The following MTAP variants were observed in gnomAD, a reference collection of about 807,000 sequenced individuals.
MTAP encodes methylthioadenosine phosphorylase.
A neutral mutation model predicts 33.6 loss-of-function variants in MTAP; 33 were observed. The ratio of observed to expected loss-of-function variants is 0.98; its 90% CI spans 0.74 to 1.31. The LOEUF is 1.31. MTAP is among the 40% of genes most tolerant of loss of function. MTAP has a pLI of 0.00. For synonymous variants in MTAP, 148 were observed against 125.7 expected (o/e 1.18, Z -1.19); for missense variants, 367 against 360.0 (o/e 1.02, Z -0.16).
At chr9:21,897,107 T>G (rs1039619378) in intron 1 of MTAP, among the ~76,000 whole-genome samples, 1 of 152,196 alleles carries the variant, frequency 6.6e-6, no homozygotes, top group Non-Finnish European at 1.5e-5. Flanking sequence ...ATCCATTATA[T>G]AAACAGAACC....
At chr9:21,941,006 A>G, downstream of MTAP, 1 of 985,090 alleles carries the variant, frequency 1.0e-6, no homozygotes, top group Non-Finnish European at 1.2e-6. Flanking sequence ...GCAAAGACCA[A>G]ACATATATTT....
At chr9:21,927,588 C>T (rs1330319095) in intron 1 of MTAP, among the ~76,000 whole-genome samples, 1 of 152,078 alleles carries the variant, frequency 6.6e-6, no homozygotes, top group Non-Finnish European at 1.5e-5. Context: ...AATATCAGCC[C>T]CTAGGTTATC....
At chr9:21,820,042 G>A (rs934227577) in intron 4 of MTAP, among the ~76,000 whole-genome samples, 11 of 152,002 alleles carry the variant, frequency 7.2e-5, no homozygotes, top group African/African-American at 2.4e-4. Context: ...CTGGATATTA[G>A]CCCTTAGTCA....
At position 21,816,900 on chromosome 9, in the gene MTAP, C is replaced by T. The variant is rs1162626517; in HGVS notation, c.179+128C>T. On this transcript the variant is annotated intron_variant, in intron 3 of 7. Coordinates refer to ENST00000644715, the MANE Select transcript of MTAP (RefSeq NM_002451.4). ...GGCAGAATCAGAACATCTTAGTAAC[C>T]TTTATTTACAATGTTTTATTTTTGG... The T allele has an allele frequency of 2.1e-5, 15 of 720,338 alleles. No homozygotes were observed. In the East Asian group the frequency reaches 4.2e-4, roughly 20 times the overall value. The allele number at this position is 720,338 out of a possible 1,614,324, so 44.6% of individuals were successfully genotyped here.
intron 1 of MTAP, among the ~76,000 whole-genome samples, chr9:21,900,853 A>G (rs1407417420): frequency 6.6e-6 from 1 of 152,212 alleles, no homozygotes; most frequent in African/African-American, 2.4e-5. Flanking sequence ...AGAACAAAAT[A>G]ATGTCTTTTG....
intron 1 of MTAP, among the ~76,000 whole-genome samples, chr9:21,896,563 C>T (rs927834813): frequency 2.6e-5 from 4 of 152,090 alleles, no homozygotes; most frequent in African/African-American, 9.7e-5. Flanking sequence ...ATATCACCAT[C>T]GATCCCACAG....
intron 1 of MTAP, chr9:21,930,867 G>A (rs749066492): frequency 2.7e-5 from 17 of 639,032 alleles, no homozygotes; most frequent in Non-Finnish European, 4.7e-5. Context: ...TGGTTAGTTA[G>A]ATTGGTAAGG....
chr9:21,803,420 C>T (rs564068499), intron 1 of MTAP: 2 of 153,460 alleles, frequency 1.3e-5, no homozygotes, highest in East Asian at 3.8e-4. Context: ...GGAGTACAGG[C>T]GTCCGTTTTT....
chr9:21,896,552 G>T (rs1480148061), intron 1 of MTAP, among the ~76,000 whole-genome samples: 1 of 152,082 alleles, frequency 6.6e-6, no homozygotes, highest in Non-Finnish European at 1.5e-5. Context: ...TGATAAAGGG[G>T]ATATCACCAT....
intron 1 of MTAP, chr9:21,892,236 A>G (rs1283795059): frequency 6.6e-6 from 1 of 152,214 alleles, no homozygotes; most frequent in East Asian, 1.9e-4. Flanking sequence ...CCACCAGCTA[A>G]CAATACAATG....
intron 1 of MTAP, among the ~76,000 whole-genome samples, chr9:21,929,018 A>G (rs1336926036): frequency 6.6e-6 from 1 of 152,118 alleles, no homozygotes; most frequent in African/African-American, 2.4e-5. Flanking sequence ...TGTATCTTCC[A>G]GGCTCTAGTT....
Position 21,890,282 on chromosome 9 carries a change from TC to T in MTAP, c.147+35415del, listed in dbSNP as rs942266824. Reference sequence around the variant, plus strand: ...ACGCAGCCAGCAAGGCCAGTCTCACTCCCACCACCAGCCCCAAGTTTATATT... The same window carrying T: ...ACGCAGCCAGCAAGGCCAGTCTCACTCCACCACCAGCCCCAAGTTTATATT... On this transcript the variant is annotated intron_variant, in intron 1 of 1. Coordinates refer to the MTAP transcript ENST00000577563. Among the ~76,000 whole-genome samples, 23 of 152,180 alleles carry T rather than the reference TC, an allele frequency of 1.5e-4. No individual in the cohort carries two copies. The Middle Eastern group carries it at 0.01, about 68-fold the overall frequency.
At chr9:21,900,376 AAAG>A (rs1458971864) in intron 1 of MTAP, among the ~76,000 whole-genome samples, 14 of 152,348 alleles carry the variant, frequency 9.2e-5, no homozygotes, top group African/African-American at 3.1e-4. Context: ...ACACTTTTCC[AAAG>A]AAGATGTACA....
At chr9:21,826,356 C>G (rs1295665367) in intron 4 of MTAP, among the ~76,000 whole-genome samples, 2 of 151,644 alleles carry the variant, frequency 1.3e-5, no homozygotes, top group Non-Finnish European at 2.9e-5. Context: ...CTGGAAGATT[C>G]CACCTTCTTT....
chr9:21,884,068 A>G (rs765968159), intron 1 of MTAP, among the ~76,000 whole-genome samples: 39 of 152,076 alleles, frequency 2.6e-4, no homozygotes, highest in South Asian at 4.1e-4. Context: ...TTATCCTGCA[A>G]TGTCCCTTCA....
In MTAP at chr9:21,865,733, C is replaced by A. The variant is rs974164467; in HGVS notation, c.*3719C>A. ...CTGTTGCCAGCTATGCCTTTGAGAACCTCGGGATCCCAAAGAATGAGGGGA... is the reference window on the plus strand; with the variant it reads ...CTGTTGCCAGCTATGCCTTTGAGAAACTCGGGATCCCAAAGAATGAGGGGA... On this transcript the variant is annotated 3_prime_UTR_variant, in exon 8 of 8. Transcript: ENST00000644715. 9 of 1,039,754 alleles carry A rather than the reference C, an allele frequency of 8.7e-6. No homozygotes were observed. The highest frequency in any genetic ancestry group is 8.1e-5 in the East Asian group (1 of 12,384). 64.4% of individuals were successfully genotyped at this position (1,039,754 alleles called of 1,614,324 possible).
At chr9:21,858,103 A>G (rs1407248016) in intron 6 of MTAP, among the ~76,000 whole-genome samples, 1 of 152,236 alleles carries the variant, frequency 6.6e-6, no homozygotes, top group East Asian at 1.9e-4. Context: ...ACTGGGAGCC[A>G]TAAAAATGGT....
chr9:21,805,590 G>T (rs1256580125), intron 1 of MTAP, among the ~76,000 whole-genome samples: 1 of 152,188 alleles, frequency 6.6e-6, no homozygotes, highest in Non-Finnish European at 1.5e-5. Flanking sequence ...CAATGTGATG[G>T]TATTAGAAGA....
intron 4 of MTAP, among the ~76,000 whole-genome samples, chr9:21,823,462 G>C (rs1824701420): frequency 6.6e-6 from 1 of 152,222 alleles, no homozygotes; most frequent in Admixed American, 6.5e-5. Flanking sequence ...CTGGCTTGTA[G>C]AGTTTCTGCC....
Sources: gnomAD v4.1 joint callset for allele counts (sites outside exome capture counted in the v4.1 genomes callset) on GRCh38, gnomAD v4.1.1 for gene constraint, MANE v1.5 for transcripts, NCBI Gene and HGNC (gene_info 2026-07-23, HGNC 2026-07-21) for gene names.